Variants in ZC3H15 observed in about 807,000 individuals in gnomAD.
ZC3H15 encodes zinc finger CCCH-type containing 15, also known as zinc finger CCCH domain-containing protein 15.
In ZC3H15, 15 loss-of-function variants were observed where a neutral mutation model predicts 51.2. That is an observed-to-expected ratio of 0.29 (90% confidence interval 0.20 to 0.45). The LOEUF is 0.45. Ranked by LOEUF, ZC3H15 falls within the 20% of genes least tolerant of loss-of-function variation. The pLI, the probability that ZC3H15 is intolerant of heterozygous loss-of-function variation, is 1.00. For synonymous variants in ZC3H15, 144 were observed against 162.8 expected (o/e 0.88, Z 0.88); for missense variants, 381 against 494.7 (o/e 0.77, Z 2.18).
chr2:186,501,479 G>A (rs1465575316), intron 4 of ZC3H15, 54 bp downstream of exon 4: 10 of 1,428,694 alleles, frequency 7.0e-6, no homozygotes, highest in African/African-American at 1.4e-5. Flanking sequence ...CTTTCGGTTT[G>A]CTACTAAGAT....
chr2:186,486,530 G>A, intron 1 of ZC3H15, 73 bp downstream of exon 1: 1 of 1,472,944 alleles, frequency 6.8e-7, no homozygotes, highest in South Asian at 1.4e-5. Context: ...GGGCTTCCCT[G>A]GGAGCCGGCT....
At position 186,501,388 on chromosome 2, in the gene ZC3H15, T is replaced by C. The variant is rs1685381769; in HGVS notation, c.405T>C (p.Ser135=). Reference sequence around the variant, plus strand: ...TGGAGAGAAAATGTGAAAAGCGAAGTGTTTACATTGATGCAAGAGATGAAG... The same window carrying C: ...TGGAGAGAAAATGTGAAAAGCGAAGCGTTTACATTGATGCAAGAGATGAAG... ...LTLERKCEKR[S]VYIDARDEEL... is the part of the protein sequence containing the mutation. Residue 135 remains serine (S), a synonymous_variant, in exon 4 of 10, where the codon AGT becomes AGC. Transcript: ENST00000337859. 6.2e-7 allele frequency: 1 copy of C among 1,612,560 alleles called. No homozygotes were observed.
chr2:186,490,963 A>G (rs1379051568), intron 1 of ZC3H15, among the ~76,000 whole-genome samples: 2 of 152,030 alleles, frequency 1.3e-5, no homozygotes, highest in Admixed American at 1.3e-4. Context: ...TTTTATTTTA[A>G]CTGTGGTTTG....
intron 1 of ZC3H15, among the ~76,000 whole-genome samples, chr2:186,491,328 G>C (rs1041093229): frequency 1.3e-5 from 2 of 152,124 alleles, no homozygotes; most frequent in Non-Finnish European, 2.9e-5. Flanking sequence ...GGAGAGAAGA[G>C]AGACAAGCCA....
intron 2 of ZC3H15, among the ~76,000 whole-genome samples, chr2:186,495,711 C>T (rs576981621): frequency 2.0e-5 from 3 of 152,316 alleles, no homozygotes; most frequent in Admixed American, 2.0e-4. Flanking sequence ...GTAACAGACT[C>T]CAGATCAAGG....
chr2:186,500,694 G>T (rs13009640), intron 3 of ZC3H15: 7,194 of 456,068 alleles, frequency 0.016, 116 homozygotes, highest in South Asian at 0.04. Flanking sequence ...TTGTTTTTTT[G>T]AGATGGATTG....
At chr2:186,501,659 T>C (rs1685386393) in intron 4 of ZC3H15, among the ~76,000 whole-genome samples, 1 of 152,176 alleles carries the variant, frequency 6.6e-6, no homozygotes, top group South Asian at 2.1e-4. Context: ...CACCCTTTCC[T>C]TCAGTACTAC....
At chr2:186,500,123 G>T (rs906937794) in intron 2 of ZC3H15, 59 bp from the exon 3 acceptor site, 87 of 1,454,586 alleles carry the variant, frequency 6.0e-5, no homozygotes, top group Non-Finnish European at 7.7e-5. Flanking sequence ...TGCTAACTTT[G>T]TAGTAAAAAC....
intron 9 of ZC3H15, 96 bp from the exon 10 acceptor site, chr2:186,508,447 A>G: frequency 1.9e-6 from 2 of 1,070,554 alleles, no homozygotes; most frequent in South Asian, 1.6e-5. Context: ...GAGAAAAGGA[A>G]AAGAGGAAGT....
chr2:186,497,616 G>A (rs1559009807), intron 2 of ZC3H15, among the ~76,000 whole-genome samples: 2 of 152,128 alleles, frequency 1.3e-5, no homozygotes, highest in Non-Finnish European at 2.9e-5. Flanking sequence ...AGAAAATAAT[G>A]TAAATTTTCT....
At chr2:186,495,523 C>CT (rs1444566204) in intron 2 of ZC3H15, among the ~76,000 whole-genome samples, 189 bp downstream of exon 2, 8 of 152,168 alleles carry the variant, frequency 5.3e-5, no homozygotes, top group Admixed American at 3.3e-4. Context: ...TGATATAACT[C>CT]TCATTTATTC....
chr2:186,496,968 C>T, intron 2 of ZC3H15: 1 of 321,464 alleles, frequency 3.1e-6, no homozygotes, highest in South Asian at 2.5e-5. Flanking sequence ...TATACCTTTT[C>T]TATTTTTCCT....
chr2:186,502,739 G>A, intron 5 of ZC3H15, 152 bp downstream of exon 5: 2 of 573,164 alleles, frequency 3.5e-6, no homozygotes, highest in Admixed American at 3.6e-5. Flanking sequence ...CTTTATTTTT[G>A]GAATTTACAA....
At chr2:186,507,498 A>G in intron 9 of ZC3H15, 1 of 456,520 alleles carries the variant, frequency 2.2e-6, no homozygotes, top group Admixed American at 2.3e-5. Context: ...GTTGATGATA[A>G]AAGATTAGTT....
intron 4 of ZC3H15, 113 bp downstream of exon 4, chr2:186,501,538 A>T: frequency 1.1e-6 from 1 of 883,414 alleles, no homozygotes; most frequent in Non-Finnish European, 1.6e-6. Flanking sequence ...GTTTATAAAA[A>T]ATAATTAATT....
At chr2:186,490,949 CT>C (rs1685187684) in intron 1 of ZC3H15, among the ~76,000 whole-genome samples, 1 of 152,168 alleles carries the variant, frequency 6.6e-6, no homozygotes, top group Non-Finnish European at 1.5e-5. Context: ...CATTATTCTC[CT>C]AGTTTTATTT....
At chr2:186,492,069 A>G (rs1685208262) in intron 1 of ZC3H15, among the ~76,000 whole-genome samples, 1 of 151,814 alleles carries the variant, frequency 6.6e-6, no homozygotes, top group South Asian at 2.1e-4. Context: ...TCCTAAGTCT[A>G]TCTGGCAGTA....
At chr2:186,492,566 A>G (rs1685217161) in intron 1 of ZC3H15, among the ~76,000 whole-genome samples, 2 of 152,236 alleles carry the variant, frequency 1.3e-5, no homozygotes, top group African/African-American at 4.8e-5. Context: ...TGTCATGAAT[A>G]AAGAGATATT....
At chr2:186,492,081 C>G (rs186992665) in intron 1 of ZC3H15, among the ~76,000 whole-genome samples, 15 of 152,120 alleles carry the variant, frequency 9.9e-5, no homozygotes, top group Non-Finnish European at 1.6e-4. Flanking sequence ...CTGGCAGTAT[C>G]TGCTTTGCTA....
Sources: allele counts gnomAD v4.1 joint callset (sites outside exome capture counted in the v4.1 genomes callset), GRCh38; gene constraint gnomAD v4.1.1; transcripts MANE v1.5; gene names NCBI Gene and HGNC (gene_info 2026-07-23, HGNC 2026-07-21).